Variants in SHC3 observed in about 807,000 individuals in gnomAD.
SHC3 encodes SHC-transforming protein 3.
SHC3 carries 15 observed loss-of-function variants against 60.4 expected under a neutral mutation model. The observed-to-expected ratio is 0.25, with a 90% CI of 0.17 to 0.38. The LOEUF (loss-of-function observed/expected upper bound fraction) is 0.38. Among genes scored for constraint, SHC3 ranks in the 10% least tolerant of loss-of-function variants. The pLI, the probability that SHC3 is intolerant of heterozygous loss-of-function variation, is 1.00. For missense variants in SHC3, 677 were observed against 786.1 expected, an observed-to-expected ratio of 0.86 and a Z score of 1.66; for synonymous variants, 294 against 325.9, an observed-to-expected ratio of 0.90 and a Z score of 1.05.
chr9:89,143,416 A>G (rs1057305597), intron 1 of SHC3, among the ~76,000 whole-genome samples: 3 of 152,028 alleles, frequency 2.0e-5, no homozygotes, highest in African/African-American at 7.2e-5. Context: ...CCGACCTCCT[A>G]TCTCATCCTG....
At chr9:89,175,176 A>G in intron 1 of SHC3, among the ~76,000 whole-genome samples, 1 of 152,206 alleles carries the variant, frequency 6.6e-6, no homozygotes, top group East Asian at 1.9e-4. Context: ...TTACGTCACC[A>G]AAAGAAAAAA....
intron 1 of SHC3, among the ~76,000 whole-genome samples, chr9:89,169,672 C>T (rs1005745881): frequency 2.6e-5 from 4 of 151,842 alleles, no homozygotes; most frequent in African/African-American, 9.7e-5. Flanking sequence ...ACCCGAAAGT[C>T]TGGAAACCAC....
intron 11 of SHC3, among the ~76,000 whole-genome samples, chr9:89,036,456 G>A (rs1406484121): frequency 1.3e-5 from 2 of 152,132 alleles, no homozygotes; most frequent in Admixed American, 1.3e-4. Context: ...TTCAATGTAC[G>A]TGTACCCTGT....
Position 89,013,476 on chromosome 9 carries a change from G to A in SHC3, c.1756C>T (p.Leu586Phe). The change falls in exon 12 of 12, where the codon CTC (leucine) becomes TTC (phenylalanine). Residue 586 changes from leucine (L) to phenylalanine (F), a missense_variant. Leu to Phe is a conservative substitution (Grantham distance 22, BLOSUM62 0). Coordinates refer to ENST00000375835, the MANE Select transcript of SHC3 (RefSeq NM_016848.6). ...PIVSAGSELC[L>F]QQPVERKQ ...TGCTTCCTCTCCACTGGCTGCTGGAGACACAGCTCACTCCCTGCAGAGACA... is the reference window on the plus strand; with the variant it reads ...TGCTTCCTCTCCACTGGCTGCTGGAAACACAGCTCACTCCCTGCAGAGACA... 6.2e-7 allele frequency: 1 copy of A among 1,613,736 alleles called. No homozygotes were observed. Among genetic ancestry groups the A allele is most frequent in the Non-Finnish European group, 8.5e-7 (1 of 1,179,826 alleles).
chr9:89,077,923 G>A lies in SHC3; in HGVS notation c.546-20C>T. The A allele has an allele frequency of 1.9e-6, 3 of 1,614,110 alleles. No individual in the cohort carries two copies. Among genetic ancestry groups the A allele is most frequent in the Non-Finnish European group, 1.7e-6 (2 of 1,179,976 alleles). On this transcript the variant is annotated intron_variant, in intron 2 of 11. Coordinates refer to ENST00000375835, the MANE Select transcript of SHC3 (RefSeq NM_016848.6). Reference sequence around the variant, plus strand: ...GCTTCCCTTAGGACAGGAAGAAAAAGCAATTTTATTACGTGTCAGTCGGGA... The same window carrying A: ...GCTTCCCTTAGGACAGGAAGAAAAAACAATTTTATTACGTGTCAGTCGGGA...
At chr9:89,115,856 C>T (rs1826012105) in intron 1 of SHC3, among the ~76,000 whole-genome samples, 1 of 152,198 alleles carries the variant, frequency 6.6e-6, no homozygotes, top group Non-Finnish European at 1.5e-5. Flanking sequence ...ACAACCACCA[C>T]TCTTGCACTT....
chr9:89,048,105 G>C (rs576262178), intron 7 of SHC3, among the ~76,000 whole-genome samples: 1 of 152,108 alleles, frequency 6.6e-6, no homozygotes, highest in East Asian at 1.9e-4. Context: ...TTAGCCAGGC[G>C]TGGTGGCACA....
chr9:89,111,892 T>C (rs1825952411), intron 2 of SHC3, among the ~76,000 whole-genome samples: 3 of 152,236 alleles, frequency 2.0e-5, no homozygotes, highest in African/African-American at 7.2e-5. Flanking sequence ...ACAGACTCTG[T>C]CCTAGCTTTC....
intron 1 of SHC3, among the ~76,000 whole-genome samples, chr9:89,155,843 G>T (rs550899219): frequency 6.6e-6 from 1 of 152,280 alleles, no homozygotes; most frequent in Non-Finnish European, 1.5e-5. Flanking sequence ...AGAAATTCAT[G>T]CCACCCCATC....
chr9:89,074,691 C>CAAAAAAAA (rs68051828), intron 4 of SHC3, among the ~76,000 whole-genome samples: 753 of 59,810 alleles, frequency 0.013, no homozygotes, highest in Middle Eastern at 0.032. Flanking sequence ...GCCACTAAAG[C>CAAAAAAAA]AAAAAAAAAA....
intron 2 of SHC3, among the ~76,000 whole-genome samples, chr9:89,098,528 G>A (rs1190910359): frequency 2.0e-5 from 3 of 152,184 alleles, no homozygotes; most frequent in African/African-American, 7.2e-5. Context: ...AAAAAATTTA[G>A]GCTGGGCACA....
intron 1 of SHC3, among the ~76,000 whole-genome samples, chr9:89,118,501 A>G (rs1826047593): frequency 6.6e-6 from 1 of 152,172 alleles, no homozygotes; most frequent in Non-Finnish European, 1.5e-5. Flanking sequence ...AGTGTTAGAG[A>G]CAGGGTTGGT....
chr9:89,077,857 C>T lies in SHC3; in HGVS notation c.592G>A (p.Ala198Thr). 1 of 1,614,244 alleles carries T rather than the reference C, an allele frequency of 6.2e-7. No individual in the cohort carries two copies. The highest frequency in any genetic ancestry group is 8.5e-7 in the Non-Finnish European group (1 of 1,180,038). ...GACAGTACCTTTCTCTTCTTGAAGG[C>T]TCCCTTCGCACCAGGCACAGCTTCA... ...VCEAVPGAKG[A>T]FKKRKPPSKM... is the part of the protein sequence containing the mutation. Residue 198 changes from alanine to threonine, a missense_variant, in exon 3 of 12, where the codon GCC becomes ACC. Coordinates refer to ENST00000375835, the MANE Select transcript of SHC3 (RefSeq NM_016848.6).
At chr9:89,126,715 TG>T (rs564804949) in intron 1 of SHC3, among the ~76,000 whole-genome samples, 10 of 152,308 alleles carry the variant, frequency 6.6e-5, no homozygotes, top group Non-Finnish European at 1.0e-4. Context: ...ACCAGCTGAA[TG>T]AATGATAAAA....
At chr9:89,104,966 C>T (rs1825836887) in intron 2 of SHC3, among the ~76,000 whole-genome samples, 1 of 152,212 alleles carries the variant, frequency 6.6e-6, no homozygotes, top group African/African-American at 2.4e-5. Flanking sequence ...GGGATGAGCA[C>T]AGTCAGGTGA....
intron 6 of SHC3, among the ~76,000 whole-genome samples, chr9:89,063,654 G>T (rs1825128579): frequency 6.6e-6 from 1 of 152,196 alleles, no homozygotes; most frequent in Non-Finnish European, 1.5e-5. Context: ...AAGCCAATTT[G>T]GACCTCCTAG....
chr9:89,140,588 C>T (rs1826379398), intron 1 of SHC3, among the ~76,000 whole-genome samples: 1 of 152,148 alleles, frequency 6.6e-6, no homozygotes, highest in South Asian at 2.1e-4. Flanking sequence ...ACCAAATTCT[C>T]TCATAATGCA....
At position 89,178,118 on chromosome 9, in the gene SHC3, CCGAGGGCGCACTGCCGTCCGGGGCGG is replaced by C; in HGVS notation, c.317_342del (p.Ala106GlyfsTer50). 8.6e-7 allele frequency: 1 copy of C among 1,159,924 alleles called. No individual in the cohort carries two copies. The highest frequency in any genetic ancestry group is 1.1e-6 in the Non-Finnish European group (1 of 942,390). The allele number at this position is 1,159,924 out of a possible 1,614,324, so 71.9% of individuals were successfully genotyped here. A position where few individuals can be genotyped will look rare whatever the true frequency, so the allele number is the denominator to read the frequency against. ...GCGCTCATGGCCGGGGCGCGGGGCG[CCGAGGGCGCACTGCCGTCCGGGGCGG>C]CCAGGCTGGGCGCGCTGCAGCTGCC... is the stretch of plus-strand genomic sequence containing the variant. On this transcript the variant is annotated frameshift_variant, in exon 1 of 12. Transcript: ENST00000375835. LOFTEE classifies it high-confidence loss of function. The surrounding 1 kb of genome is among the most constrained non-coding windows in gnomAD (Gnocchi z 6.9).
At chr9:89,100,880 C>T (rs944889975) in intron 2 of SHC3, among the ~76,000 whole-genome samples, 1 of 152,176 alleles carries the variant, frequency 6.6e-6, no homozygotes, top group African/African-American at 2.4e-5. Flanking sequence ...TGTGAATTCT[C>T]TTTGAACTGA....
Sources: gnomAD v4.1 joint callset for allele counts (sites outside exome capture counted in the v4.1 genomes callset) on GRCh38, gnomAD v4.1.1 for gene constraint, Gnocchi (gnomAD v3.1) non-coding constraint, MANE v1.5 for transcripts, NCBI Gene and HGNC (gene_info 2026-07-23, HGNC 2026-07-21) for gene names.